Variants in SPTLC3 observed in about 807,000 individuals in gnomAD.
SPTLC3 encodes the protein serine palmitoyltransferase long chain base subunit 3.
A neutral mutation model predicts 59.3 loss-of-function variants in SPTLC3; 36 were observed. The ratio of observed to expected loss-of-function variants is 0.61; its 90% CI spans 0.47 to 0.80. The LOEUF is 0.80. Among genes scored for constraint, SPTLC3 ranks in the 30% least tolerant of loss-of-function variants. The pLI is 0.00. For missense variants in SPTLC3, 625 were observed against 685.1 expected (o/e 0.91, Z 0.98); for synonymous variants, 257 against 240.8 (o/e 1.07, Z -0.62).
chr20:13,091,539 C>T (rs1989220499), intron 5 of SPTLC3, among the ~76,000 whole-genome samples: 1 of 149,674 alleles, frequency 6.7e-6, no homozygotes, highest in South Asian at 2.1e-4. Flanking sequence ...GGCCACTGCA[C>T]TCTAGCCTGG....
At chr20:13,146,551 A>G (rs1183748145) in intron 9 of SPTLC3, among the ~76,000 whole-genome samples, 1 of 152,232 alleles carries the variant, frequency 6.6e-6, no homozygotes, top group African/African-American at 2.4e-5. Context: ...CTCTCTATTT[A>G]AATGCAAAGT....
intron 2 of SPTLC3, among the ~76,000 whole-genome samples, chr20:13,067,863 A>T (rs1385758686): frequency 1.3e-5 from 2 of 152,240 alleles, no homozygotes; most frequent in African/African-American, 4.8e-5. Context: ...TGAAGTGTCA[A>T]TGTAGACGCA....
chr20:13,025,072 C>T (rs1477386923), intron 1 of SPTLC3, among the ~76,000 whole-genome samples: 2 of 152,112 alleles, frequency 1.3e-5, no homozygotes, highest in Non-Finnish European at 2.9e-5. Flanking sequence ...TTCCTATGGC[C>T]CAAAATAAGA....
At chr20:13,055,832 A>G (rs1324049598) in intron 2 of SPTLC3, among the ~76,000 whole-genome samples, 4 of 152,110 alleles carry the variant, frequency 2.6e-5, no homozygotes, top group Admixed American at 2.0e-4. Context: ...TGGAGAGGAA[A>G]GAGGGGATGG....
chr20:13,009,515 T>G (rs1467837048), intron 1 of SPTLC3, 131 bp downstream of exon 1: 1 of 831,408 alleles, frequency 1.2e-6, no homozygotes, highest in South Asian at 1.7e-5. Flanking sequence ...GACTGTTGAC[T>G]CTGTTAATAG....
intron 8 of SPTLC3, among the ~76,000 whole-genome samples, chr20:13,122,885 G>A (rs1408484059): frequency 6.6e-6 from 1 of 152,154 alleles, no homozygotes; most frequent in Non-Finnish European, 1.5e-5. Flanking sequence ...TTTGATGTAT[G>A]GGTCTACCAA....
At chr20:13,113,415 C>T (rs1182735523) in intron 7 of SPTLC3, among the ~76,000 whole-genome samples, 1 of 152,118 alleles carries the variant, frequency 6.6e-6, no homozygotes, top group Non-Finnish European at 1.5e-5. Flanking sequence ...ACAGAGCCCA[C>T]ATACATCAAT....
At chr20:13,087,032 G>C (rs886868243) in intron 4 of SPTLC3, among the ~76,000 whole-genome samples, 3 of 152,112 alleles carry the variant, frequency 2.0e-5, no homozygotes, top group Admixed American at 6.6e-5. Context: ...CTGACTTCAA[G>C]TAATCCTCCT....
chr20:13,052,006 C>T (rs903395824), intron 2 of SPTLC3, among the ~76,000 whole-genome samples: 7 of 152,072 alleles, frequency 4.6e-5, no homozygotes, highest in Non-Finnish European at 8.8e-5. Context: ...TAAGGCCACA[C>T]CTCAAGGAAC....
chr20:13,118,075 C>G (rs1240485543), intron 8 of SPTLC3, among the ~76,000 whole-genome samples: 1 of 151,696 alleles, frequency 6.6e-6, no homozygotes, highest in Non-Finnish European at 1.5e-5. Context: ...TAATGGGGGG[C>G]CATATTTAAC....
intron 2 of SPTLC3, among the ~76,000 whole-genome samples, chr20:13,057,194 G>A (rs1987765596): frequency 6.6e-6 from 1 of 152,104 alleles, no homozygotes; most frequent in Admixed American, 6.6e-5. Context: ...GCAGAAATGA[G>A]CATTATTCTA....
intron 8 of SPTLC3, among the ~76,000 whole-genome samples, chr20:13,120,015 G>A (rs772099954): frequency 8.5e-5 from 13 of 152,086 alleles, no homozygotes; most frequent in South Asian, 4.1e-4. Context: ...TTTTAATTAT[G>A]TTAAGTTTCA....
chr20:13,051,844 G>A (rs910314942), intron 2 of SPTLC3, among the ~76,000 whole-genome samples: 1 of 152,108 alleles, frequency 6.6e-6, no homozygotes. Flanking sequence ...TGAGCACTGG[G>A]TCAAAAATGA....
intron 1 of SPTLC3, among the ~76,000 whole-genome samples, chr20:13,046,088 G>C (rs1485301535): frequency 6.6e-6 from 1 of 152,162 alleles, no homozygotes; most frequent in Non-Finnish European, 1.5e-5. Context: ...TTAAATTAAG[G>C]TTCTGAGGTC....
At chr20:13,048,724 G>C (rs1482012186) in intron 1 of SPTLC3, among the ~76,000 whole-genome samples, 2 of 152,170 alleles carry the variant, frequency 1.3e-5, no homozygotes, top group Non-Finnish European at 2.9e-5. Context: ...CCAATGGTTT[G>C]AGTTTCTGTT....
At chr20:13,032,470 T>C (rs1422074900) in intron 1 of SPTLC3, among the ~76,000 whole-genome samples, 1 of 152,198 alleles carries the variant, frequency 6.6e-6, no homozygotes, top group African/African-American at 2.4e-5. Context: ...CGTTCCATTA[T>C]TCAATTCCAG....
At chr20:13,132,753 C>G (rs928050215) in intron 9 of SPTLC3, 3 of 152,244 alleles carry the variant, frequency 2.0e-5, no homozygotes, top group Admixed American at 2.0e-4. Flanking sequence ...AAGACACCAG[C>G]CTCTTTTCAC....
intron 6 of SPTLC3, among the ~76,000 whole-genome samples, chr20:13,096,399 G>GA (rs1051689624): frequency 2.6e-4 from 39 of 149,548 alleles, no homozygotes; most frequent in African/African-American, 9.3e-4. Flanking sequence ...CAGGATAGTA[G>GA]AAAAAACTAT....
chr20:13,061,763 G>A (rs1257440611), intron 2 of SPTLC3, among the ~76,000 whole-genome samples: 2 of 152,088 alleles, frequency 1.3e-5, no homozygotes, highest in African/African-American at 4.8e-5. Flanking sequence ...GCTGCTACAA[G>A]CTTTGTCCAA....
Sources: allele counts gnomAD v4.1 joint callset (sites outside exome capture counted in the v4.1 genomes callset), GRCh38; gene constraint gnomAD v4.1.1; transcripts MANE v1.5; gene names NCBI Gene and HGNC (gene_info 2026-07-23, HGNC 2026-07-21).